The following XRCC4 variants were observed in gnomAD, a reference collection of about 807,000 sequenced individuals.
The protein encoded by XRCC4 is X-ray repair cross complementing 4.
In XRCC4, 28 loss-of-function variants were observed where a neutral mutation model predicts 39.1. The ratio of observed to expected loss-of-function variants is 0.72; its 90% CI spans 0.53 to 0.98. The LOEUF is 0.98. Among genes scored for constraint, XRCC4 ranks in the 50% least tolerant of loss-of-function variants. XRCC4 has a pLI of 0.00. For synonymous variants in XRCC4, 123 were observed against 126.4 expected (o/e 0.97, Z 0.18); for missense variants, 350 against 376.4 (o/e 0.93, Z 0.58).
chr5:83,181,584 A>G (rs1235494613), intron 3 of XRCC4, among the ~76,000 whole-genome samples: 2 of 152,144 alleles, frequency 1.3e-5, no homozygotes, highest in Non-Finnish European at 2.9e-5. Context: ...TTCACTCTCT[A>G]TATTAAACAA....
chr5:83,228,001 G>A (rs1394830944), intron 6 of XRCC4, among the ~76,000 whole-genome samples: 1 of 151,988 alleles, frequency 6.6e-6, no homozygotes, highest in East Asian at 1.9e-4. Context: ...TCTTTAAGGG[G>A]AGGAGGAATG....
chr5:83,284,840 A>G (rs1017462028), intron 7 of XRCC4, among the ~76,000 whole-genome samples: 3 of 152,126 alleles, frequency 2.0e-5, no homozygotes, highest in African/African-American at 4.8e-5. Context: ...CTTATATACT[A>G]TTAGAATAGC....
downstream of XRCC4, among the ~76,000 whole-genome samples, chr5:83,357,528 G>T (rs1394655984): frequency 6.6e-6 from 1 of 151,390 alleles, no homozygotes; most frequent in Non-Finnish European, 1.5e-5. Flanking sequence ...CTGGGGCTGG[G>T]TTTGGGTGGG....
chr5:83,273,911 T>G (rs1208418633), intron 7 of XRCC4, among the ~76,000 whole-genome samples: 1 of 152,034 alleles, frequency 6.6e-6, no homozygotes, highest in Admixed American at 6.6e-5. Context: ...CTCTTTTTTT[T>G]TTGTTCCGTG....
At chr5:83,140,389 A>G (rs1748109212) in intron 3 of XRCC4, among the ~76,000 whole-genome samples, 1 of 152,154 alleles carries the variant, frequency 6.6e-6, no homozygotes, top group Non-Finnish European at 1.5e-5. Flanking sequence ...AGCACAGGAG[A>G]AAGATGAAAG....
chr5:83,191,675 G>A (rs997431416), intron 3 of XRCC4, among the ~76,000 whole-genome samples: 1 of 152,146 alleles, frequency 6.6e-6, no homozygotes, highest in Non-Finnish European at 1.5e-5. Context: ...ACTCTAGCCT[G>A]GGTGACAGAG....
rs187967944 is a variant in XRCC4, at chr5:83,243,023, T to G, written c.746-15507T>G. ...ATTTAGATTTTCAATTATGATATCT[T>G]TCATCTTGTTTTTTTCTCTCTCTCG... On this transcript the variant is annotated intron_variant, in intron 6 of 7. Transcript: ENST00000396027. Among the ~76,000 whole-genome samples the G allele has an allele frequency of 4.0e-3, 616 of 152,372 alleles. 4 individuals are homozygous for G. The highest frequency in any genetic ancestry group is 6.1e-3 in the Admixed American group (94 of 15,304).
chr5:83,108,611 A>T (rs1203051104), intron 2 of XRCC4, among the ~76,000 whole-genome samples: 1 of 151,830 alleles, frequency 6.6e-6, no homozygotes, highest in East Asian at 1.9e-4. Flanking sequence ...TTTCATTTTA[A>T]TGAAATTTAG....
chr5:83,249,915 A>G (rs1202776378), intron 6 of XRCC4, among the ~76,000 whole-genome samples: 1 of 152,082 alleles, frequency 6.6e-6, no homozygotes, highest in African/African-American at 2.4e-5. Context: ...TTTATATTTT[A>G]TTTATTTTGT....
intron 3 of XRCC4, among the ~76,000 whole-genome samples, chr5:83,160,264 G>A (rs1173402375): frequency 6.6e-6 from 1 of 152,026 alleles, no homozygotes; most frequent in Non-Finnish European, 1.5e-5. Context: ...ATTATTTGAG[G>A]GAATAAAGAG....
At chr5:83,122,553 A>G (rs1248959168) in intron 3 of XRCC4, among the ~76,000 whole-genome samples, 2 of 152,156 alleles carry the variant, frequency 1.3e-5, no homozygotes. Context: ...TCAATTACTC[A>G]GCAATTGTTT....
At chr5:83,249,721 T>TAATC (rs1611026) in intron 6 of XRCC4, among the ~76,000 whole-genome samples, 57,904 of 151,494 alleles carry the variant, frequency 0.38, 14,116 homozygotes, top group East Asian at 0.81. Flanking sequence ...ATTCACCAGA[T>TAATC]AATCATGCCA....
the XRCC4 span, among the ~76,000 whole-genome samples, chr5:83,372,623 T>C: frequency 6.6e-6 from 1 of 152,200 alleles, no homozygotes; most frequent in Non-Finnish European, 1.5e-5. Context: ...TGTCTGTAGT[T>C]GAGGTGATGA....
chr5:83,354,620 T>C (rs1467297659), downstream of XRCC4, among the ~76,000 whole-genome samples: 3 of 152,214 alleles, frequency 2.0e-5, no homozygotes, highest in Non-Finnish European at 2.9e-5. Context: ...AGCTATCTAC[T>C]TATACCTTTC....
At chr5:83,349,700 G>T (rs1757023023) in intron 7 of XRCC4, among the ~76,000 whole-genome samples, 1 of 152,050 alleles carries the variant, frequency 6.6e-6, no homozygotes, top group African/African-American at 2.4e-5. Context: ...CTGTGTTCTG[G>T]TTCACAGTAT....
chr5:83,177,617 A>G (rs1415046326), intron 3 of XRCC4, among the ~76,000 whole-genome samples: 1 of 152,174 alleles, frequency 6.6e-6, no homozygotes, highest in African/African-American at 2.4e-5. Flanking sequence ...GATAAAAGTA[A>G]TTCTAATAGG....
At chr5:83,345,405 A>T (rs1206090928) in intron 7 of XRCC4, among the ~76,000 whole-genome samples, 3 of 152,192 alleles carry the variant, frequency 2.0e-5, no homozygotes, top group African/African-American at 7.2e-5. Flanking sequence ...ACACACAAAA[A>T]AATTGAATTG....
intron 7 of XRCC4, among the ~76,000 whole-genome samples, chr5:83,278,509 G>C (rs1754414457): frequency 6.6e-6 from 1 of 152,086 alleles, no homozygotes; most frequent in African/African-American, 2.4e-5. Context: ...GTCTGATGAG[G>C]GCTTTCATGC....
intron 1 of XRCC4, among the ~76,000 whole-genome samples, chr5:83,084,647 C>T (rs1385401605): frequency 6.6e-6 from 1 of 152,162 alleles, no homozygotes; most frequent in Non-Finnish European, 1.5e-5. Flanking sequence ...TTTCTTTCAG[C>T]AGTACCGAAA....
Sources: gnomAD v4.1 joint callset for allele counts (sites outside exome capture counted in the v4.1 genomes callset) on GRCh38, gnomAD v4.1.1 for gene constraint, MANE v1.5 for transcripts, NCBI Gene and HGNC (gene_info 2026-07-23, HGNC 2026-07-21) for gene names.